ST6GALNAC3: variants seen among roughly 807,000 people sequenced by gnomAD.
ST6GALNAC3 encodes the protein alpha-N-acetylgalactosaminide alpha-2,6-sialyltransferase 3.
A neutral mutation model predicts 32.7 loss-of-function variants in ST6GALNAC3; 25 were observed. The ratio of observed to expected loss-of-function variants is 0.76; its 90% CI spans 0.56 to 1.07. ST6GALNAC3 has a LOEUF of 1.07. Ranked by LOEUF, ST6GALNAC3 falls within the 50% of genes least tolerant of loss-of-function variation. The pLI is 0.00. For missense variants in ST6GALNAC3, 355 were observed against 382.4 expected (o/e 0.93, Z 0.60); for synonymous variants, 129 against 133.1 (o/e 0.97, Z 0.21).
intron 2 of ST6GALNAC3, among the ~76,000 whole-genome samples, chr1:76,316,580 A>T (rs1283879142): frequency 6.6e-6 from 1 of 152,030 alleles, no homozygotes; most frequent in African/African-American, 2.4e-5. Flanking sequence ...ACGGTAAACT[A>T]AAAAAGGAAA....
At position 76,541,278 on chromosome 1, in the gene ST6GALNAC3, G is replaced by T. The variant is rs376500382; in HGVS notation, c.624-86174G>T. ...AGGAAACAATGGGGTCCCTCCGGGGGAGTATGGAACGTGGATCCAAGGGTC... is the reference window on the plus strand; with the variant it reads ...AGGAAACAATGGGGTCCCTCCGGGGTAGTATGGAACGTGGATCCAAGGGTC... On this transcript the variant is annotated intron_variant, in intron 3 of 4. Coordinates refer to ENST00000328299, the MANE Select transcript of ST6GALNAC3 (RefSeq NM_152996.4). 4.6e-5 allele frequency among the ~76,000 whole-genome samples: 7 copies of T among 152,210 alleles called. No individual in the cohort carries two copies. In the South Asian group the frequency reaches 6.2e-4, roughly 14 times the overall value.
intron 3 of ST6GALNAC3, among the ~76,000 whole-genome samples, chr1:76,487,534 T>G (rs1216130116): frequency 6.6e-6 from 1 of 152,234 alleles, no homozygotes; most frequent in African/African-American, 2.4e-5. Context: ...CTGAAGCTTG[T>G]GCATTCATCG....
At chr1:76,392,535 G>A (rs906089981) in intron 2 of ST6GALNAC3, among the ~76,000 whole-genome samples, 4 of 152,108 alleles carry the variant, frequency 2.6e-5, no homozygotes, top group Non-Finnish European at 1.5e-5. Context: ...TAGAAAAATG[G>A]ATAATTAGCA....
intron 1 of ST6GALNAC3, among the ~76,000 whole-genome samples, chr1:76,091,338 A>T (rs1219537973): frequency 6.6e-6 from 1 of 152,232 alleles, no homozygotes; most frequent in East Asian, 1.9e-4. Flanking sequence ...GAGCCCTTAG[A>T]TCATTGAGTT....
chr1:76,553,996 A>G (rs2100382147), intron 3 of ST6GALNAC3, among the ~76,000 whole-genome samples: 1 of 152,342 alleles, frequency 6.6e-6, no homozygotes, highest in South Asian at 2.1e-4. Flanking sequence ...GCTTTTTAAA[A>G]GATTTCAGAA....
At chr1:76,348,046 G>A (rs538392532) in intron 2 of ST6GALNAC3, among the ~76,000 whole-genome samples, 18 of 152,174 alleles carry the variant, frequency 1.2e-4, no homozygotes, top group Admixed American at 2.6e-4. Context: ...TGCATAATAC[G>A]ACAACTGTTT....
rs1376405665 is a variant in ST6GALNAC3, at chr1:76,501,300, C to G, written c.623+88883C>G. Among the ~76,000 whole-genome samples the G allele has an allele frequency of 2.0e-5, 3 of 152,176 alleles. No individual in the cohort carries two copies. The East Asian group carries it at 5.8e-4, about 29-fold the overall frequency. ...GTCCATTCTCCTCTGGAGCCATCAC[C>G]AAAGCCCTGGTCACACTCTGTAATT... On this transcript the variant is annotated intron_variant, in intron 3 of 4. Coordinates refer to ENST00000328299, the MANE Select transcript of ST6GALNAC3 (RefSeq NM_152996.4).
At chr1:76,080,101 A>G (rs893389634) in intron 1 of ST6GALNAC3, among the ~76,000 whole-genome samples, 7 of 152,206 alleles carry the variant, frequency 4.6e-5, no homozygotes, top group Non-Finnish European at 2.9e-5. Flanking sequence ...TTAAACTAGT[A>G]ATTAAAAGTA....
At chr1:76,407,754 A>G (rs1240332286) in intron 2 of ST6GALNAC3, among the ~76,000 whole-genome samples, 1 of 152,098 alleles carries the variant, frequency 6.6e-6, no homozygotes, top group Non-Finnish European at 1.5e-5. Flanking sequence ...GTGGCTTGAT[A>G]AAGTGGAACT....
intron 1 of ST6GALNAC3, among the ~76,000 whole-genome samples, chr1:76,275,410 C>T (rs1659081484): frequency 6.6e-6 from 1 of 152,134 alleles, no homozygotes; most frequent in South Asian, 2.1e-4. Context: ...TGTCCCCATC[C>T]CTCCCAGGTG....
chr1:76,468,567 C>A (rs1027986308), intron 3 of ST6GALNAC3, among the ~76,000 whole-genome samples: 1 of 151,958 alleles, frequency 6.6e-6, no homozygotes. Flanking sequence ...CTCAAGGCGG[C>A]CTTCACTCAC....
intron 1 of ST6GALNAC3, among the ~76,000 whole-genome samples, chr1:76,129,903 C>G (rs968165097): frequency 2.0e-5 from 3 of 152,146 alleles, no homozygotes; most frequent in Non-Finnish European, 4.4e-5. Flanking sequence ...CACGATAGGT[C>G]ATCATTCTCG....
At chr1:76,234,242 C>T (rs1172586502) in intron 1 of ST6GALNAC3, among the ~76,000 whole-genome samples, 1 of 152,140 alleles carries the variant, frequency 6.6e-6, no homozygotes, top group Non-Finnish European at 1.5e-5. Flanking sequence ...TCTGTACCCT[C>T]CCCCGGTAGT....
At chr1:76,260,911 A>G (rs1658190936) in intron 1 of ST6GALNAC3, among the ~76,000 whole-genome samples, 1 of 152,082 alleles carries the variant, frequency 6.6e-6, no homozygotes, top group Non-Finnish European at 1.5e-5. Flanking sequence ...TAAAAAATAG[A>G]AAAAAGTCTA....
chr1:76,334,136 C>T (rs1192553190), intron 2 of ST6GALNAC3, among the ~76,000 whole-genome samples: 1 of 151,922 alleles, frequency 6.6e-6, no homozygotes, highest in Non-Finnish European at 1.5e-5. Flanking sequence ...CTTAATTTTA[C>T]TTGTTGTAAA....
chr1:76,086,625 AATGTCTAAGGAACCATACT>A (rs1166242165), intron 1 of ST6GALNAC3, among the ~76,000 whole-genome samples: 1 of 152,142 alleles, frequency 6.6e-6, no homozygotes, highest in Non-Finnish European at 1.5e-5. Context: ...CGTTAGCTAG[AATGTCTAAGGAACCATACT>A]ATCAACCCAA....
intron 1 of ST6GALNAC3, among the ~76,000 whole-genome samples, chr1:76,111,975 T>C (rs1349331530): frequency 6.6e-6 from 1 of 151,588 alleles, no homozygotes; most frequent in Non-Finnish European, 1.5e-5. Flanking sequence ...GACGGGGTGG[T>C]GGCCGGGCAG....
At chr1:76,456,652 AC>A (rs1301508763) in intron 3 of ST6GALNAC3, among the ~76,000 whole-genome samples, 5 of 152,236 alleles carry the variant, frequency 3.3e-5, no homozygotes, top group East Asian at 1.9e-4. Flanking sequence ...AAATTTAACA[AC>A]CCTTCATGCT....
At chr1:76,395,586 CACAG>C (rs1483501426) in intron 2 of ST6GALNAC3, among the ~76,000 whole-genome samples, 2 of 151,928 alleles carry the variant, frequency 1.3e-5, no homozygotes, top group South Asian at 2.1e-4. Flanking sequence ...TACACACACA[CACAG>C]ACACACACGC....
Sources: gnomAD v4.1 joint callset for allele counts (sites outside exome capture counted in the v4.1 genomes callset) on GRCh38, gnomAD v4.1.1 for gene constraint, MANE v1.5 for transcripts, NCBI Gene and HGNC (gene_info 2026-07-23, HGNC 2026-07-21) for gene names.